MAGI3: variants seen among roughly 807,000 people sequenced by gnomAD.
MAGI3 encodes the protein membrane-associated guanylate kinase, WW and PDZ domain-containing protein 3.
A neutral mutation model predicts 121.8 loss-of-function variants in MAGI3; 43 were observed. The observed-to-expected ratio is 0.35, with a 90% CI of 0.28 to 0.46. MAGI3 has a LOEUF of 0.46. Ranked by LOEUF, MAGI3 falls within the 20% of genes least tolerant of loss-of-function variation. The probability of loss-of-function intolerance (pLI) is 1.00; values close to 1 mark genes in which losing one functional copy is unlikely to be tolerated. For synonymous variants in MAGI3, 553 were observed against 639.3 expected (o/e 0.86, Z 2.04); for missense variants, 1,547 against 1,797.3 (o/e 0.86, Z 2.52).
At chr1:113,424,074 G>A (rs1570655457) in intron 1 of MAGI3, among the ~76,000 whole-genome samples, 1 of 152,088 alleles carries the variant, frequency 6.6e-6, no homozygotes. Context: ...GCTGCTGGGC[G>A]GCACCTGCAC....
chr1:113,532,701 T>A (rs1479997588), intron 1 of MAGI3, among the ~76,000 whole-genome samples: 1 of 152,208 alleles, frequency 6.6e-6, no homozygotes, highest in Non-Finnish European at 1.5e-5. Flanking sequence ...AATTTAAAAT[T>A]TAACAAAGTA....
At chr1:113,619,698 A>G in intron 7 of MAGI3, 38 bp from the exon 8 acceptor site, 1 of 1,359,410 alleles carries the variant, frequency 7.4e-7, no homozygotes, top group Non-Finnish European at 1.0e-6. Context: ...TTACTGTTTT[A>G]TTTTAAACTG....
At chr1:113,557,056 G>A (rs1465512328) in intron 2 of MAGI3, among the ~76,000 whole-genome samples, 3 of 152,184 alleles carry the variant, frequency 2.0e-5, no homozygotes, top group East Asian at 3.9e-4. Context: ...TTAGCAGAGA[G>A]GGGTAGGCAC....
chr1:113,548,573 G>A (rs951555172), intron 1 of MAGI3, among the ~76,000 whole-genome samples: 2 of 152,228 alleles, frequency 1.3e-5, no homozygotes, highest in Non-Finnish European at 2.9e-5. Flanking sequence ...CCAAGAATAG[G>A]TGGAGCAGTG....
intron 9 of MAGI3, among the ~76,000 whole-genome samples, chr1:113,627,545 T>C (rs1215877157): frequency 1.3e-5 from 2 of 149,780 alleles, no homozygotes; most frequent in African/African-American, 4.9e-5. Flanking sequence ...ATTATTGTAT[T>C]GAGGTCTATT....
Position 113,605,318 on chromosome 1 carries a change from G to GA in MAGI3, c.1019-9277dup, listed in dbSNP as rs879546003. Among the ~76,000 whole-genome samples the GA allele has an allele frequency of 3.9e-5, 6 of 152,082 alleles. No individual in the cohort carries two copies. In the South Asian group the frequency reaches 6.2e-4, roughly 16 times the overall value. ...ATAAAATACTACTCATGAGTAAAAAGAAAAAAGTGTTGATAACACTCAATA... is the reference window on the plus strand; with the variant it reads ...ATAAAATACTACTCATGAGTAAAAAGAAAAAAAGTGTTGATAACACTCAATA... On this transcript the variant is annotated intron_variant, in intron 6 of 20. Coordinates refer to ENST00000307546, the MANE Select transcript of MAGI3 (RefSeq NM_001142782.2).
intron 1 of MAGI3, among the ~76,000 whole-genome samples, chr1:113,392,778 ACT>A (rs775560601): frequency 6.6e-6 from 1 of 151,958 alleles, no homozygotes; most frequent in Non-Finnish European, 1.5e-5. Context: ...TTTTTTCTTA[ACT>A]CTAACTTTTA....
Position 113,395,087 on chromosome 1 carries a change from G to GTTTTTTTTTTTTTTTTT in MAGI3, c.316+3751_316+3767dup, listed in dbSNP as rs139532433. On this transcript the variant is annotated intron_variant, in intron 1 of 20. Coordinates refer to ENST00000307546, the MANE Select transcript of MAGI3 (RefSeq NM_001142782.2). ...TCTTATCTCTTGAATCTTTTTGTTA[G>GTTTTTTTTTTTTTTTTT]TTTTTTTTTTTTTTTTTTTTTTTTT... 3.9e-4 allele frequency among the ~76,000 whole-genome samples: 13 copies of GTTTTTTTTTTTTTTTTT among 33,244 alleles called. 2 individuals are homozygous for GTTTTTTTTTTTTTTTTT. Among genetic ancestry groups the GTTTTTTTTTTTTTTTTT allele is most frequent in the Non-Finnish European group, 6.1e-4 (12 of 19,648 alleles). 21.8% of individuals were successfully genotyped at this position (33,244 alleles called of 152,430 possible).
chr1:113,634,486 T>C (rs1651874139), intron 9 of MAGI3, among the ~76,000 whole-genome samples: 1 of 152,230 alleles, frequency 6.6e-6, no homozygotes, highest in African/African-American at 2.4e-5. Context: ...ATTTATTACA[T>C]AGGGAATCCT....
intron 6 of MAGI3, among the ~76,000 whole-genome samples, chr1:113,601,259 G>T (rs1649359971): frequency 6.6e-6 from 1 of 152,096 alleles, no homozygotes; most frequent in South Asian, 2.1e-4. Flanking sequence ...CACAGCAAAA[G>T]AAACTACCAT....
At chr1:113,463,210 A>T (rs2101522178) in intron 1 of MAGI3, among the ~76,000 whole-genome samples, 1 of 152,060 alleles carries the variant, frequency 6.6e-6, no homozygotes, top group South Asian at 2.1e-4. Flanking sequence ...TGTCTCCAGA[A>T]ATCTAAACCT....
intron 1 of MAGI3, among the ~76,000 whole-genome samples, chr1:113,491,249 A>G (rs1038879947): frequency 3.9e-5 from 6 of 152,348 alleles, no homozygotes; most frequent in African/African-American, 1.4e-4. Context: ...TTACATGGCA[A>G]TTGGATAACC....
At chr1:113,591,904 A>G (rs1177664995) in intron 5 of MAGI3, among the ~76,000 whole-genome samples, 1 of 152,192 alleles carries the variant, frequency 6.6e-6, no homozygotes, top group African/African-American at 2.4e-5. Flanking sequence ...GAATTTATAA[A>G]AAGAAATATT....
At chr1:113,650,947 A>T (rs1483323626) in intron 13 of MAGI3, 67 bp from the exon 14 acceptor site, 4 of 1,353,590 alleles carry the variant, frequency 3.0e-6, no homozygotes, top group Non-Finnish European at 4.2e-6. Context: ...ATGCTAAGTT[A>T]GGAATTCCTT....
chr1:113,588,450 A>G (rs866370442), intron 4 of MAGI3, among the ~76,000 whole-genome samples: 1 of 152,210 alleles, frequency 6.6e-6, no homozygotes, highest in Non-Finnish European at 1.5e-5. Context: ...AAGAATGTAT[A>G]TAATAAAGCA....
chr1:113,531,609 G>A (rs1179375911), intron 1 of MAGI3, among the ~76,000 whole-genome samples: 4 of 151,618 alleles, frequency 2.6e-5, no homozygotes, highest in Non-Finnish European at 5.9e-5. Flanking sequence ...AAGTTTAAAG[G>A]TCGTGCATTT....
intron 1 of MAGI3, among the ~76,000 whole-genome samples, chr1:113,415,243 T>G (rs1055539488): frequency 1.3e-5 from 2 of 152,076 alleles, no homozygotes; most frequent in Admixed American, 6.6e-5. Context: ...CAAAAGTTCA[T>G]TCACATTTAA....
Position 113,684,133 on chromosome 1 carries a change from A to C in MAGI3, c.*119A>C. 1.7e-6 allele frequency: 2 copies of C among 1,161,582 alleles called. No homozygotes were observed. Among genetic ancestry groups the C allele is most frequent in the Non-Finnish European group, 2.3e-6 (2 of 858,330 alleles). 72.0% of individuals were successfully genotyped at this position (1,161,582 alleles called of 1,614,324 possible). A position where few individuals can be genotyped will look rare whatever the true frequency, so the allele number is the denominator to read the frequency against. Reference sequence around the variant, plus strand: ...AAACAGATAAGTACATGTTAATGTGAGCCTCAAGTTACCTAGGCTGCATGA... The same window carrying C: ...AAACAGATAAGTACATGTTAATGTGCGCCTCAAGTTACCTAGGCTGCATGA... On this transcript the variant is annotated 3_prime_UTR_variant, in exon 21 of 21. Coordinates refer to ENST00000307546, the MANE Select transcript of MAGI3 (RefSeq NM_001142782.2).
At chr1:113,639,104 G>A (rs1361834396) in intron 9 of MAGI3, among the ~76,000 whole-genome samples, 1 of 152,210 alleles carries the variant, frequency 6.6e-6, no homozygotes, top group African/African-American at 2.4e-5. Context: ...GTATTCGGGT[G>A]GGAGTGACCC....
Sources: gnomAD v4.1 joint callset for allele counts (sites outside exome capture counted in the v4.1 genomes callset) on GRCh38, gnomAD v4.1.1 for gene constraint, MANE v1.5 for transcripts, NCBI Gene and HGNC (gene_info 2026-07-23, HGNC 2026-07-21) for gene names.